FSTL4: variants seen among roughly 807,000 people sequenced by gnomAD.
The protein encoded by FSTL4 is follistatin like 4, also known as follistatin-related protein 4.
FSTL4 carries 28 observed loss-of-function variants against 78.2 expected under a neutral mutation model. That is an observed-to-expected ratio of 0.36 (90% CI 0.27 to 0.49). The LOEUF is 0.49. Among genes scored for constraint, FSTL4 ranks in the 20% least tolerant of loss-of-function variants. The probability of loss-of-function intolerance (pLI) is 0.98; values close to 1 mark genes in which losing one functional copy is unlikely to be tolerated. For synonymous variants in FSTL4, 422 were observed against 440.5 expected (o/e 0.96, Z 0.53); for missense variants, 922 against 1,084.9 (o/e 0.85, Z 2.11).
intron 3 of FSTL4, among the ~76,000 whole-genome samples, chr5:133,497,604 A>G (rs1336521004): frequency 6.6e-6 from 1 of 152,154 alleles, no homozygotes; most frequent in Non-Finnish European, 1.5e-5. Flanking sequence ...ACGCAGGCAG[A>G]CAGGGGTACT....
intron 3 of FSTL4, among the ~76,000 whole-genome samples, chr5:133,481,682 G>A (rs1372287030): frequency 1.3e-5 from 2 of 152,148 alleles, no homozygotes; most frequent in East Asian, 1.9e-4. Context: ...CCAGGCTCTG[G>A]ACCACTGTCT....
At chr5:133,298,841 G>C (rs1581601876) in intron 6 of FSTL4, among the ~76,000 whole-genome samples, 1 of 146,866 alleles carries the variant, frequency 6.8e-6, no homozygotes, top group South Asian at 2.2e-4. Flanking sequence ...TGAGGATCAG[G>C]AACCGGGGCT....
At chr5:133,840,479 A>G in the FSTL4 span, among the ~76,000 whole-genome samples, 1 of 152,210 alleles carries the variant, frequency 6.6e-6, no homozygotes, top group Admixed American at 6.5e-5. Context: ...CAGTCTCAGA[A>G]TGGCTGAACC....
At chr5:133,307,418 G>C (rs936882470) in intron 6 of FSTL4, among the ~76,000 whole-genome samples, 1 of 152,158 alleles carries the variant, frequency 6.6e-6, no homozygotes, top group Non-Finnish European at 1.5e-5. Context: ...AATCAGACAC[G>C]CCCACTAAAT....
intron 3 of FSTL4, among the ~76,000 whole-genome samples, chr5:133,437,310 A>T (rs1243427444): frequency 6.6e-6 from 1 of 152,150 alleles, no homozygotes; most frequent in Non-Finnish European, 1.5e-5. Context: ...CGTCAGTGAC[A>T]GTCACCGCAC....
At chr5:133,401,686 A>T (rs1756226808) in intron 3 of FSTL4, among the ~76,000 whole-genome samples, 1 of 152,204 alleles carries the variant, frequency 6.6e-6, no homozygotes. Flanking sequence ...TGGAAGAAGT[A>T]ACTGGGAGTG....
intron 1 of FSTL4, among the ~76,000 whole-genome samples, chr5:133,608,532 C>A (rs1761021413): frequency 6.6e-6 from 1 of 152,246 alleles, no homozygotes; most frequent in Non-Finnish European, 1.5e-5. Flanking sequence ...GCCCCCAGGG[C>A]AACTGTTTGG....
At chr5:133,705,823 C>T in the FSTL4 span, among the ~76,000 whole-genome samples, 1 of 151,512 alleles carries the variant, frequency 6.6e-6, no homozygotes, top group Non-Finnish European at 1.5e-5. Flanking sequence ...GCTTCTTTTC[C>T]AGAAAGCCTC....
intron 3 of FSTL4, among the ~76,000 whole-genome samples, chr5:133,546,556 G>A (rs568224083): frequency 4.6e-4 from 69 of 150,082 alleles, no homozygotes; most frequent in African/African-American, 1.6e-3. Context: ...GTTCAGGAGA[G>A]GAAACCAAAG....
At chr5:133,739,884 A>G in the FSTL4 span, among the ~76,000 whole-genome samples, 1 of 151,414 alleles carries the variant, frequency 6.6e-6, no homozygotes, top group East Asian at 2.0e-4. Flanking sequence ...ATAATGAAAC[A>G]TAAGCTCTGT....
rs529990030 is a variant in FSTL4, at chr5:133,220,658, T to C, written c.1458+90A>G. The C allele has an allele frequency of 5.7e-5, 45 of 786,210 alleles. No individual in the cohort carries two copies. The African/African-American group carries it at 7.0e-4, about 12-fold the overall frequency. 48.7% of individuals were successfully genotyped at this position (786,210 alleles called of 1,614,324 possible). On this transcript the variant is annotated intron_variant, in intron 12 of 15. Coordinates refer to ENST00000265342, the MANE Select transcript of FSTL4 (RefSeq NM_015082.2). ...ACACCACATATAGCAAATGGAATTT[T>C]AGAAATCAAATGGCATGCCTGGTTA...
chr5:133,760,329 G>A, the FSTL4 span, among the ~76,000 whole-genome samples: 1 of 152,202 alleles, frequency 6.6e-6, no homozygotes, highest in African/African-American at 2.4e-5. Flanking sequence ...TCCTGGAAAG[G>A]GAGCAGAACC....
the FSTL4 span, among the ~76,000 whole-genome samples, chr5:133,633,499 C>A: frequency 9.5e-4 from 144 of 152,080 alleles, no homozygotes; most frequent in East Asian, 0.025. Flanking sequence ...TTTGTTGAGA[C>A]TTTCTCTTTT....
At chr5:133,446,772 C>T (rs554876685) in intron 3 of FSTL4, among the ~76,000 whole-genome samples, 1 of 152,200 alleles carries the variant, frequency 6.6e-6, no homozygotes, top group Non-Finnish European at 1.5e-5. Context: ...CACCGCTGCT[C>T]CCTCTTCTGA....
chr5:133,721,251 A>G, the FSTL4 span, among the ~76,000 whole-genome samples: 101 of 152,306 alleles, frequency 6.6e-4, 2 homozygotes, highest in African/African-American at 2.2e-3. Context: ...AACTCATCGT[A>G]GCTTTATTTA....
the FSTL4 span, among the ~76,000 whole-genome samples, chr5:133,726,570 G>C: frequency 3.9e-5 from 6 of 152,176 alleles, no homozygotes; most frequent in Admixed American, 6.5e-5. Flanking sequence ...AGGCACAGAG[G>C]GGGTTTTTGT....
intron 6 of FSTL4, among the ~76,000 whole-genome samples, chr5:133,302,077 C>T (rs956739253): frequency 2.0e-5 from 3 of 151,958 alleles, no homozygotes; most frequent in Admixed American, 6.6e-5. Flanking sequence ...TACGAGCGTT[C>T]GCTTGTCCCA....
Position 133,316,449 on chromosome 5 carries a change from C to T in FSTL4, c.603+10G>A, listed in dbSNP as rs143759470. ...TCCATCATGTGACTTTCACTGAACA[C>T]GATGCCCACCTGAGCCAGTTCGGAG... On this transcript the variant is annotated intron_variant, in intron 5 of 15. Transcript: ENST00000265342. 4,037 of 1,607,052 alleles carry T rather than the reference C, an allele frequency of 2.5e-3. 30 individuals carry two copies. The highest frequency in any genetic ancestry group is 0.013 in the South Asian group (1,157 of 90,596).
At chr5:133,346,679 C>T (rs978200030) in intron 4 of FSTL4, among the ~76,000 whole-genome samples, 2 of 152,144 alleles carry the variant, frequency 1.3e-5, no homozygotes, top group Admixed American at 6.5e-5. Flanking sequence ...CTTAGCTCAG[C>T]TCTGGGGAGT....
Sources: gnomAD v4.1 joint callset for allele counts (sites outside exome capture counted in the v4.1 genomes callset) on GRCh38, gnomAD v4.1.1 for gene constraint, MANE v1.5 for transcripts, NCBI Gene and HGNC (gene_info 2026-07-23, HGNC 2026-07-21) for gene names.